Variants in CYP20A1 observed in about 807,000 individuals in gnomAD.
The protein encoded by CYP20A1 is cytochrome P450 family 20 subfamily A member 1.
In CYP20A1, 61 loss-of-function variants were observed where a neutral mutation model predicts 61.4. The ratio of observed to expected loss-of-function variants is 0.99; its 90% CI spans 0.81 to 1.23. The LOEUF is 1.23. Ranked by LOEUF, CYP20A1 falls within the 50% of genes most tolerant of loss-of-function variation. The probability of loss-of-function intolerance (pLI) is 0.00; values close to 1 mark genes in which losing one functional copy is unlikely to be tolerated. For missense variants in CYP20A1, 530 were observed against 542.4 expected (o/e 0.98, Z 0.23); for synonymous variants, 193 against 188.2 (o/e 1.03, Z -0.21).
intron 1 of CYP20A1, among the ~76,000 whole-genome samples, chr2:203,242,539 G>C (rs1183531622): frequency 2.0e-5 from 3 of 152,150 alleles, no homozygotes; most frequent in Non-Finnish European, 4.4e-5. Context: ...TATAATCCCA[G>C]CACTTCGGGA....
chr2:203,304,178 C>T lies in CYP20A1; in HGVS notation c.*7270C>T, dbSNP rs992568076. Among the ~76,000 whole-genome samples the T allele has an allele frequency of 2.6e-5, 4 of 152,084 alleles. No homozygotes were observed. Among genetic ancestry groups the T allele is most frequent in the African/African-American group, 9.7e-5 (4 of 41,442 alleles). On this transcript the variant is annotated 3_prime_UTR_variant, in exon 13 of 13. Transcript: ENST00000356079. ...AGTGTGCCGAGATCGCACCACTGTA[C>T]TCCAGCCTAGGTGACAGAGTGAGAC...
intron 6 of CYP20A1, among the ~76,000 whole-genome samples, chr2:203,274,867 G>C (rs542617951): frequency 6.8e-4 from 104 of 152,244 alleles, no homozygotes; most frequent in African/African-American, 2.4e-3. Flanking sequence ...AGAAATATTG[G>C]TTAAATTAAC....
At position 203,266,495 on chromosome 2, in the gene CYP20A1, C is replaced by T; in HGVS notation, c.433-19C>T. 3.7e-6 allele frequency: 6 copies of T among 1,605,144 alleles called. No homozygotes were observed. The highest frequency in any genetic ancestry group is 5.1e-6 in the Non-Finnish European group (6 of 1,172,270). ...GAAAGAAGAAACAGTAATCATTGTG[C>T]TTTTCTGTTCTCTTTCAGCTTTCAG... On this transcript the variant is annotated intron_variant, in intron 4 of 12. Coordinates refer to ENST00000356079, the MANE Select transcript of CYP20A1 (RefSeq NM_177538.3).
intron 9 of CYP20A1, among the ~76,000 whole-genome samples, chr2:203,288,126 C>T (rs1309202616): frequency 4.6e-5 from 6 of 131,372 alleles, no homozygotes; most frequent in Non-Finnish European, 6.2e-5. Flanking sequence ...ATTGCAGTGG[C>T]GCAATCTCAG....
chr2:203,240,674 A>T (rs888320811), intron 1 of CYP20A1, among the ~76,000 whole-genome samples: 1 of 152,188 alleles, frequency 6.6e-6, no homozygotes, highest in Non-Finnish European at 1.5e-5. Context: ...AGCAAATGCA[A>T]ACCTTCAGAG....
intron 1 of CYP20A1, among the ~76,000 whole-genome samples, chr2:203,242,619 C>A (rs1029735935): frequency 1.3e-5 from 2 of 151,980 alleles, no homozygotes; most frequent in Non-Finnish European, 2.9e-5. Flanking sequence ...AAGACCTTGT[C>A]TCTAAAATAA....
rs1163039964 is a variant in CYP20A1, at chr2:203,300,891, GAAAAAAAAAAA to G, written c.*3995_*4005del. 2.7e-5 allele frequency among the ~76,000 whole-genome samples: 1 copy of G among 37,044 alleles called. No individual in the cohort carries two copies. The highest frequency in any genetic ancestry group is 7.8e-5 in the African/African-American group (1 of 12,872). 24.3% of individuals were successfully genotyped at this position (37,044 alleles called of 152,430 possible). On this transcript the variant is annotated 3_prime_UTR_variant, in exon 13 of 13. Coordinates refer to ENST00000356079, the MANE Select transcript of CYP20A1 (RefSeq NM_177538.3). ...GCAATAAGAGCAAAACTCCGTCTCA[GAAAAAAAAAAA>G]AAAAAAAAAAACGGCCAGGCGAGGT...
At chr2:203,279,796 A>G (rs527706604) in intron 7 of CYP20A1, among the ~76,000 whole-genome samples, 12 of 152,188 alleles carry the variant, frequency 7.9e-5, no homozygotes, top group Non-Finnish European at 1.3e-4. Context: ...TGTTGTATAC[A>G]TGTACCGAAA....
intron 10 of CYP20A1, among the ~76,000 whole-genome samples, chr2:203,291,925 G>T (rs186095528): frequency 1.3e-5 from 2 of 151,962 alleles, no homozygotes; most frequent in Non-Finnish European, 2.9e-5. Flanking sequence ...GAGAACATGC[G>T]GTGTTTGGTT....
At chr2:203,252,252 C>A in intron 4 of CYP20A1, 143 bp downstream of exon 4, 2 of 640,814 alleles carry the variant, frequency 3.1e-6, no homozygotes, top group Non-Finnish European at 4.9e-6. Flanking sequence ...AAAACGACAA[C>A]AATAACAAAA....
chr2:203,244,699 CAG>C lies in CYP20A1; in HGVS notation c.73-1144_73-1143del, dbSNP rs1349145639. On this transcript the variant is annotated intron_variant, in intron 1 of 12. Transcript: ENST00000356079. ...TTTTCAAACACCTTAGTTTAACTGA[CAG>C]AGGAAGAATAATATCCTGAATGAAA... is the stretch of plus-strand genomic sequence containing the variant. Among the ~76,000 whole-genome samples the C allele has an allele frequency of 7.9e-5, 12 of 150,982 alleles. No homozygotes were observed. The South Asian group carries it at 2.5e-3, about 32-fold the overall frequency.
intron 4 of CYP20A1, among the ~76,000 whole-genome samples, chr2:203,254,265 C>T (rs983785537): frequency 1.3e-5 from 2 of 152,026 alleles, no homozygotes; most frequent in African/African-American, 2.4e-5. Flanking sequence ...ATTTTTAACC[C>T]TTGCCTTCCC....
rs546735119 is a variant in CYP20A1 at position 203,300,408 on chromosome 2, AT to A, written c.*3504del. Among the ~76,000 whole-genome samples, 105 of 152,322 alleles carry A rather than the reference AT, an allele frequency of 6.9e-4. No homozygotes were observed. Among genetic ancestry groups the A allele is most frequent in the African/African-American group, 2.4e-3 (101 of 41,574 alleles). ...TCTTTGTACTTATCAAGTGACTCAA[AT>A]TTTGGCCACTTCACTGTCACTGATG... is the stretch of plus-strand genomic sequence containing the variant. On this transcript the variant is annotated 3_prime_UTR_variant, in exon 13 of 13. Transcript: ENST00000356079.
At chr2:203,273,067 G>T (rs556550695) in intron 6 of CYP20A1, among the ~76,000 whole-genome samples, 2 of 152,046 alleles carry the variant, frequency 1.3e-5, no homozygotes, top group African/African-American at 4.8e-5. Context: ...GGATGGTCTC[G>T]ATCTCTTGAC....
At position 203,303,897 on chromosome 2, in the gene CYP20A1, T is replaced by TACA; in HGVS notation, c.*6990_*6991insCAA. On this transcript the variant is annotated 3_prime_UTR_variant, in exon 13 of 13. Coordinates refer to ENST00000356079, the MANE Select transcript of CYP20A1 (RefSeq NM_177538.3). ...CTCAAAAAAAAAAAAAAAAAAAACT[T>TACA]ATTGAGAGAATAATATACCACTAAT... Among the ~76,000 whole-genome samples, 1 of 147,832 alleles carries TACA rather than the reference T, an allele frequency of 6.8e-6. No individual in the cohort carries two copies. The highest frequency in any genetic ancestry group is 1.5e-5 in the Non-Finnish European group (1 of 66,976).
chr2:203,296,290 C>T (rs1410362244), intron 11 of CYP20A1, among the ~76,000 whole-genome samples, 184 bp from the exon 12 acceptor site: 7 of 152,114 alleles, frequency 4.6e-5, no homozygotes, highest in African/African-American at 1.7e-4. Flanking sequence ...TAAGAAACAG[C>T]AATAGACTAA....
chr2:203,279,579 C>G (rs1301752463), intron 7 of CYP20A1, among the ~76,000 whole-genome samples: 1 of 152,124 alleles, frequency 6.6e-6, no homozygotes, highest in Admixed American at 6.6e-5. Flanking sequence ...TATACACATG[C>G]AAGTCCTTGT....
intron 10 of CYP20A1, among the ~76,000 whole-genome samples, chr2:203,290,273 A>G (rs1335463703): frequency 3.3e-5 from 5 of 152,202 alleles, no homozygotes; most frequent in Non-Finnish European, 5.9e-5. Context: ...TAAAGTGGCA[A>G]ATAAATGCTA....
At chr2:203,244,189 C>T (rs368430761) in intron 1 of CYP20A1, among the ~76,000 whole-genome samples, 2 of 151,876 alleles carry the variant, frequency 1.3e-5, no homozygotes, top group Admixed American at 6.6e-5. Flanking sequence ...AAAATGGCTC[C>T]GGCACAGCAG....
Sources: allele counts gnomAD v4.1 joint callset (sites outside exome capture counted in the v4.1 genomes callset), GRCh38; gene constraint gnomAD v4.1.1; transcripts MANE v1.5; gene names NCBI Gene and HGNC (gene_info 2026-07-23, HGNC 2026-07-21).